BTNL8: variants seen among roughly 807,000 people sequenced by gnomAD.
The protein encoded by BTNL8 is butyrophilin like 8.
Under a neutral mutation model 36.1 loss-of-function variants are expected in BTNL8, and 22 were observed. The observed-to-expected ratio is 0.61, with a 90% CI of 0.44 to 0.87. The LOEUF is 0.87. BTNL8 is among the 40% of genes least tolerant of loss of function. The pLI is 0.00. For synonymous variants in BTNL8, 203 were observed against 235.6 expected (o/e 0.86, Z 1.27); for missense variants, 526 against 616.9 (o/e 0.85, Z 1.56).
chr5:180,930,106 C>T (rs2113828415), intron 3 of BTNL8, among the ~76,000 whole-genome samples: 1 of 152,246 alleles, frequency 6.6e-6, no homozygotes, highest in South Asian at 2.1e-4. Flanking sequence ...ACATCAAAAA[C>T]CGTATCCACC....
chr5:180,927,983 A>C (rs535671121), intron 3 of BTNL8, among the ~76,000 whole-genome samples: 1 of 152,190 alleles, frequency 6.6e-6, no homozygotes, highest in African/African-American at 2.4e-5. Flanking sequence ...AATACAGAGA[A>C]CACCACAAAG....
chr5:180,900,753 T>C (rs1756789855), intron 1 of BTNL8, among the ~76,000 whole-genome samples: 3 of 152,132 alleles, frequency 2.0e-5, no homozygotes, highest in South Asian at 4.1e-4. Flanking sequence ...GGGAAAGCCA[T>C]AGAGGGTGCG....
In BTNL8 at chr5:180,950,392, G is replaced by A; in HGVS notation, c.1351G>A (p.Glu451Lys). The change falls in exon 8 of 8, where the codon GAG (glutamate) becomes AAG (lysine). Residue 451 changes from glutamate to lysine, a missense_variant. Physicochemically the swap from Glu to Lys is moderately conservative, Grantham distance 56. Transcript: ENST00000340184. Reference sequence around the variant, plus strand: ...CTACATTGAGTATCCGTCCTATAATGAGCAAAATGGAACTCCCATAGTCAT... The same window carrying A: ...CTACATTGAGTATCCGTCCTATAATAAGCAAAATGGAACTCCCATAGTCAT... ...RPYIEYPSYNEQNGTPIVICP... is the reference protein window; with the variant it reads ...RPYIEYPSYNKQNGTPIVICP... The A allele has an allele frequency of 6.8e-7, 1 of 1,462,798 alleles. No homozygotes were observed. The highest frequency in any genetic ancestry group is 9.4e-7 in the Non-Finnish European group (1 of 1,058,816). 90.6% of individuals were successfully genotyped at this position (1,462,798 alleles called of 1,614,324 possible).
chr5:180,939,055 A>G (rs62406742), intron 3 of BTNL8, among the ~76,000 whole-genome samples: 35,912 of 152,020 alleles, frequency 0.24, 4,931 homozygotes, highest in Admixed American at 0.3. Flanking sequence ...AAAATGAGAA[A>G]GAGAAAGGAA....
chr5:180,948,412 G>T (rs571032707), intron 5 of BTNL8, 37 bp downstream of exon 5: 1 of 1,541,774 alleles, frequency 6.5e-7, no homozygotes, highest in African/African-American at 1.4e-5. Context: ...CCCACACATG[G>T]TTCTCCCGGG....
At chr5:180,939,186 T>G (rs545240679) in intron 3 of BTNL8, among the ~76,000 whole-genome samples, 2 of 152,186 alleles carry the variant, frequency 1.3e-5, no homozygotes, top group Non-Finnish European at 2.9e-5. Flanking sequence ...GAATAAGTCC[T>G]CACTCATCAA....
Position 180,911,433 on chromosome 5 carries a change from A to G in BTNL8, c.492A>G (p.Thr164=). ...CCTCGGGCTGGTTCCCCCGGCCCAC[A>G]GCGAAGTGGAAAGGTCCACAAGGAC... ...CQSSGWFPRP[T]AKWKGPQGQD... is the part of the protein sequence containing the mutation. The change falls in exon 3 of 8, where the codon ACA becomes ACG. Residue 164 remains threonine, a synonymous_variant. Transcript: ENST00000340184. 1 of 1,614,230 alleles carries G rather than the reference A, an allele frequency of 6.2e-7. No homozygotes were observed. Among genetic ancestry groups the G allele is most frequent in the Non-Finnish European group, 8.5e-7 (1 of 1,180,038 alleles).
At chr5:180,944,100 C>T (rs1759112912) in intron 3 of BTNL8, among the ~76,000 whole-genome samples, 1 of 152,130 alleles carries the variant, frequency 6.6e-6, no homozygotes. Context: ...ATCTCACCCA[C>T]ATATGGAATC....
chr5:180,902,310 T>G, intron 1 of BTNL8: 1 of 1,528,996 alleles, frequency 6.5e-7, no homozygotes, highest in African/African-American at 1.4e-5. Context: ...TTTCTCATCT[T>G]AAAAATAAAA....
At chr5:180,918,475 A>G (rs1482230399) in intron 3 of BTNL8, among the ~76,000 whole-genome samples, 3 of 152,226 alleles carry the variant, frequency 2.0e-5, no homozygotes, top group African/African-American at 7.2e-5. Flanking sequence ...TTCATAATAA[A>G]AGTCAACAGA....
chr5:180,950,605 T>C lies in BTNL8; in HGVS notation c.*61T>C, dbSNP rs1582073933. On this transcript the variant is annotated 3_prime_UTR_variant, in exon 8 of 8. Coordinates refer to ENST00000340184, the MANE Select transcript of BTNL8 (RefSeq NM_001040462.3). ...TAAGGTCTCTCTCCCAGATCCAAAG[T>C]CCCGCAGCAGCCGGCCAAGGTGGCT... 1 of 1,418,712 alleles carries C rather than the reference T, an allele frequency of 7.0e-7. No individual in the cohort carries two copies. Among genetic ancestry groups the C allele is most frequent in the Non-Finnish European group, 9.7e-7 (1 of 1,035,344 alleles). 87.9% of individuals were successfully genotyped at this position (1,418,712 alleles called of 1,614,324 possible).
chr5:180,940,199 G>C (rs1347007874), intron 3 of BTNL8, among the ~76,000 whole-genome samples: 2 of 151,812 alleles, frequency 1.3e-5, no homozygotes, highest in African/African-American at 4.8e-5. Flanking sequence ...ACAAAAAATT[G>C]GCTGAGCATG....
chr5:180,907,612 T>C (rs1210026854), intron 1 of BTNL8, among the ~76,000 whole-genome samples: 31 of 147,814 alleles, frequency 2.1e-4, no homozygotes, highest in Admixed American at 4.7e-4. Flanking sequence ...CTTTTTAGAG[T>C]TTCCAGTTTT....
intron 3 of BTNL8, among the ~76,000 whole-genome samples, chr5:180,924,590 A>G (rs187225577): frequency 1.2e-4 from 19 of 152,270 alleles, no homozygotes; most frequent in Non-Finnish European, 2.1e-4. Flanking sequence ...AGAGAACCCA[A>G]CACCCACATC....
Position 180,901,247 on chromosome 5 carries a change from T to C in BTNL8, c.49+1888T>C, listed in dbSNP as rs140210174. Among the ~76,000 whole-genome samples the C allele has an allele frequency of 7.9e-4, 121 of 152,342 alleles. 1 individual carries two copies. Among genetic ancestry groups the C allele is most frequent in the Non-Finnish European group, 1.5e-3 (104 of 68,022 alleles). On this transcript the variant is annotated intron_variant, in intron 1 of 7. Coordinates refer to ENST00000340184, the MANE Select transcript of BTNL8 (RefSeq NM_001040462.3). ...TAAAATGAAAAAGTATCCACTGATC[T>C]AGAAATTCACACATGTAATTCACCT...
In BTNL8 at chr5:180,937,748, C is replaced by A. The variant is rs557292112; in HGVS notation, c.674-9764C>A. On this transcript the variant is annotated intron_variant, in intron 3 of 7. Coordinates refer to ENST00000340184, the MANE Select transcript of BTNL8 (RefSeq NM_001040462.3). ...AAAATCCAAGGAAATATGACACCTC[C>A]AAAGGAACACAGTAATTCTTCAGTA... Among the ~76,000 whole-genome samples the A allele has an allele frequency of 9.9e-5, 15 of 152,016 alleles. No individual in the cohort carries two copies. The East Asian group carries it at 1.5e-3, about 16-fold the overall frequency.
chr5:180,947,653 G>A (rs1331295759), intron 4 of BTNL8, 28 bp downstream of exon 4: 12 of 1,614,154 alleles, frequency 7.4e-6, no homozygotes, highest in South Asian at 2.2e-5. Context: ...GCATGGGCCG[G>A]TGCCTTATTC....
intron 3 of BTNL8, among the ~76,000 whole-genome samples, chr5:180,917,920 T>C (rs62406709): frequency 0.45 from 67,839 of 151,190 alleles, 16,289 homozygotes; most frequent in African/African-American, 0.63. Context: ...TCCCAGCTAC[T>C]TGGGAGGCTG....
intron 3 of BTNL8, among the ~76,000 whole-genome samples, chr5:180,927,358 C>G (rs1234041942): frequency 6.6e-6 from 1 of 152,180 alleles, no homozygotes; most frequent in African/African-American, 2.4e-5. Context: ...GTAGATAAAT[C>G]CATGAAGATG....
Sources: gnomAD v4.1 joint callset for allele counts (sites outside exome capture counted in the v4.1 genomes callset) on GRCh38, gnomAD v4.1.1 for gene constraint, MANE v1.5 for transcripts, NCBI Gene and HGNC (gene_info 2026-07-23, HGNC 2026-07-21) for gene names.